Variants in GNA13 observed in about 807,000 individuals in gnomAD.
GNA13 encodes G protein subunit alpha 13, also known as guanine nucleotide-binding protein subunit alpha-13.
GNA13 carries 4 observed loss-of-function variants against 33.5 expected under a neutral mutation model. That is an observed-to-expected ratio of 0.12 (90% CI 0.06 to 0.27). The LOEUF is 0.27. GNA13 is among the 10% of genes least tolerant of loss of function. The pLI, the probability that GNA13 is intolerant of heterozygous loss-of-function variation, is 1.00. For synonymous variants in GNA13, 176 were observed against 183.8 expected (o/e 0.96, Z 0.34); for missense variants, 319 against 487.2 (o/e 0.65, Z 3.25).
At chr17:65,026,215 A>C (rs79447777) in intron 2 of GNA13, among the ~76,000 whole-genome samples, 27 of 151,762 alleles carry the variant, frequency 1.8e-4, no homozygotes, top group Middle Eastern at 3.4e-3. Flanking sequence ...AAAAAAAAAA[A>C]CCATAAGACA....
At chr17:65,051,407 G>C (rs1264315791) in intron 2 of GNA13, among the ~76,000 whole-genome samples, 1 of 152,192 alleles carries the variant, frequency 6.6e-6, no homozygotes, top group Non-Finnish European at 1.5e-5. Flanking sequence ...CCTGAGGTCA[G>C]GAGTTAGAGA....
chr17:65,042,295 T>C (rs547678720), intron 2 of GNA13, among the ~76,000 whole-genome samples: 74 of 147,540 alleles, frequency 5.0e-4, no homozygotes, highest in African/African-American at 1.6e-3. Flanking sequence ...GAGGCAGAGG[T>C]TGCCATGAGC....
rs918097147 is a variant in GNA13, at chr17:65,011,049, T to C, written c.*3208A>G. 1 of 203,084 alleles carries C rather than the reference T, an allele frequency of 4.9e-6. No individual in the cohort carries two copies. The highest frequency in any genetic ancestry group is 7.6e-5 in the East Asian group (1 of 13,176). 12.6% of individuals were successfully genotyped at this position (203,084 alleles called of 1,614,324 possible). ...TGTGTATTAATGCTGAAAATACATT[T>C]TATCAAAAGCATAAATACAAGTATT... On this transcript the variant is annotated 3_prime_UTR_variant, in exon 4 of 4. Transcript: ENST00000439174.
intron 2 of GNA13, among the ~76,000 whole-genome samples, chr17:65,034,426 G>T (rs1907170500): frequency 1.3e-5 from 2 of 150,970 alleles, no homozygotes; most frequent in East Asian, 1.9e-4. Context: ...AGCCTCCCGA[G>T]TAGCTGGGAC....
chr17:65,055,650 G>A, intron 1 of GNA13: 3 of 985,228 alleles, frequency 3.0e-6, no homozygotes, highest in Non-Finnish European at 3.6e-6. Context: ...CTAACTGTAT[G>A]GGTCCACTCT....
intron 2 of GNA13, among the ~76,000 whole-genome samples, chr17:65,019,273 CT>C (rs1377836826): frequency 2.0e-5 from 3 of 152,082 alleles, no homozygotes; most frequent in Non-Finnish European, 4.4e-5. Context: ...ATTTTTTGGT[CT>C]CAAGATCACA....
chr17:65,054,479 G>GT (rs904854262), intron 1 of GNA13, among the ~76,000 whole-genome samples: 4 of 152,094 alleles, frequency 2.6e-5, no homozygotes, highest in Non-Finnish European at 4.4e-5. Context: ...GGGTTTTTTT[G>GT]TTTTTGTTTT....
intron 2 of GNA13, among the ~76,000 whole-genome samples, chr17:65,049,883 C>T (rs1265652801): frequency 1.3e-5 from 2 of 152,164 alleles, no homozygotes; most frequent in East Asian, 3.8e-4. Flanking sequence ...GTGTGATTAT[C>T]ACTACATTAA....
intron 2 of GNA13, among the ~76,000 whole-genome samples, chr17:65,027,305 C>T (rs2143789166): frequency 8.9e-6 from 1 of 112,510 alleles, no homozygotes; most frequent in South Asian, 3.8e-4. Context: ...CCTCACACCC[C>T]TCCCCCGCCT....
intron 2 of GNA13, among the ~76,000 whole-genome samples, chr17:65,036,872 A>T (rs1348002839): frequency 6.6e-6 from 1 of 152,238 alleles, no homozygotes; most frequent in Admixed American, 6.5e-5. Flanking sequence ...CTCTTGGCAG[A>T]ACAGCTGCTA....
intron 2 of GNA13, among the ~76,000 whole-genome samples, chr17:65,042,284 G>T (rs1012974300): frequency 6.6e-6 from 1 of 151,590 alleles, no homozygotes; most frequent in African/African-American, 2.4e-5. Context: ...CTTGAACCCG[G>T]GAGGCAGAGG....
At chr17:65,036,576 C>T (rs914675702) in intron 2 of GNA13, among the ~76,000 whole-genome samples, 6 of 152,172 alleles carry the variant, frequency 3.9e-5, no homozygotes, top group Admixed American at 6.5e-5. Context: ...TGTTGTGGTG[C>T]GTGCCTGTAG....
intron 2 of GNA13, among the ~76,000 whole-genome samples, chr17:65,039,802 T>C (rs372982735): frequency 3.9e-5 from 6 of 152,232 alleles, no homozygotes; most frequent in African/African-American, 1.4e-4. Context: ...CTTGGTTCAC[T>C]AGCAAACACC....
intron 2 of GNA13, among the ~76,000 whole-genome samples, chr17:65,037,777 G>GAAAAAAAATAAAAAA (rs145051963): frequency 1.2e-5 from 1 of 82,034 alleles, no homozygotes. Flanking sequence ...CTACAAAAAT[G>GAAAAAAAATAAAAAA]GAAAAAAAAA....
chr17:65,014,832 G>A lies in GNA13; in HGVS notation c.562-3C>T. The A allele has an allele frequency of 6.3e-7, 1 of 1,585,644 alleles. No individual in the cohort carries two copies. Among genetic ancestry groups the A allele is most frequent in the Admixed American group, 1.8e-5 (1 of 54,522 alleles). ...TCTTGTTGTGATGGAATATAATCCT[G>A]GAAAAGAAAAAACTTGTTTTATACC... On this transcript the variant is annotated splice_region_variant and splice_polypyrimidine_tract_variant and intron_variant, in intron 3 of 3. Transcript: ENST00000439174. The surrounding 1 kb of genome is among the most constrained non-coding windows in gnomAD (Gnocchi z 5.3).
chr17:65,029,381 T>C (rs751677194), intron 2 of GNA13, among the ~76,000 whole-genome samples: 2 of 152,126 alleles, frequency 1.3e-5, no homozygotes, highest in Non-Finnish European at 2.9e-5. Context: ...TTCTTACTAT[T>C]ATACAGGGAG....
intron 1 of GNA13, among the ~76,000 whole-genome samples, chr17:65,053,945 C>T (rs1907947736): frequency 6.6e-6 from 1 of 152,144 alleles, no homozygotes; most frequent in East Asian, 1.9e-4. Flanking sequence ...AAAGCAAATA[C>T]TATTAGCACA....
At chr17:65,041,195 G>A (rs994985800) in intron 2 of GNA13, among the ~76,000 whole-genome samples, 5 of 152,140 alleles carry the variant, frequency 3.3e-5, no homozygotes, top group Non-Finnish European at 7.3e-5. Flanking sequence ...CATTATTCCA[G>A]CTCTTTTTCT....
chr17:65,024,720 G>A (rs1234242357), intron 2 of GNA13, among the ~76,000 whole-genome samples: 2 of 152,176 alleles, frequency 1.3e-5, no homozygotes, highest in Non-Finnish European at 2.9e-5. Flanking sequence ...TGATTCTGAT[G>A]TAGCCAGCCC....
Sources: gnomAD v4.1 joint callset for allele counts (sites outside exome capture counted in the v4.1 genomes callset) on GRCh38, gnomAD v4.1.1 for gene constraint, Gnocchi (gnomAD v3.1) non-coding constraint, MANE v1.5 for transcripts, NCBI Gene and HGNC (gene_info 2026-07-23, HGNC 2026-07-21) for gene names.